Variants in EBF1 observed in about 807,000 individuals in gnomAD.
EBF1 encodes the protein transcription factor COE1.
A neutral mutation model predicts 68.4 loss-of-function variants in EBF1; 10 were observed. The ratio of observed to expected loss-of-function variants is 0.15; its 90% CI spans 0.09 to 0.25. EBF1 has a LOEUF of 0.25. Among genes scored for constraint, EBF1 ranks in the 10% least tolerant of loss-of-function variants. The pLI is 1.00. For missense variants in EBF1, 509 were observed against 794.4 expected, an observed-to-expected ratio of 0.64 and a Z score of 4.32; for synonymous variants, 298 against 299.8, an observed-to-expected ratio of 0.99 and a Z score of 0.06.
At chr5:158,780,726 T>A (rs1776295942) in intron 9 of EBF1, among the ~76,000 whole-genome samples, 1 of 152,004 alleles carries the variant, frequency 6.6e-6, no homozygotes, top group African/African-American at 2.4e-5. Context: ...CTTTATCCCT[T>A]TAATAAAAAT....
chr5:158,900,487 C>G (rs375553613), intron 6 of EBF1, among the ~76,000 whole-genome samples: 1 of 152,156 alleles, frequency 6.6e-6, no homozygotes, highest in African/African-American at 2.4e-5. Context: ...GATTTGGTAA[C>G]GACATGGGCA....
chr5:158,892,447 C>T (rs1169820969), intron 6 of EBF1, among the ~76,000 whole-genome samples: 1 of 152,092 alleles, frequency 6.6e-6, no homozygotes, highest in East Asian at 1.9e-4. Flanking sequence ...CAAGATTGTG[C>T]TACTGCATTC....
chr5:158,766,832 G>A (rs1324592938), intron 10 of EBF1, among the ~76,000 whole-genome samples: 1 of 152,140 alleles, frequency 6.6e-6, no homozygotes, highest in African/African-American at 2.4e-5. Context: ...TAAACCTATT[G>A]TGACTTGCTG....
chr5:158,769,210 A>C (rs1267616236), intron 10 of EBF1, among the ~76,000 whole-genome samples: 1 of 152,178 alleles, frequency 6.6e-6, no homozygotes, highest in African/African-American at 2.4e-5. Context: ...TATTACATGA[A>C]TGATGAATGG....
intron 7 of EBF1, among the ~76,000 whole-genome samples, chr5:158,838,704 G>A (rs1008593268): frequency 2.3e-4 from 35 of 152,252 alleles, no homozygotes; most frequent in African/African-American, 7.5e-4. Flanking sequence ...ATCAGAGAAT[G>A]AAGGTGCAGC....
chr5:159,013,010 T>C (rs747366236), intron 6 of EBF1, among the ~76,000 whole-genome samples: 24 of 152,192 alleles, frequency 1.6e-4, no homozygotes, highest in Non-Finnish European at 2.8e-4. Flanking sequence ...CACTTTGATC[T>C]CAGACCTCTG....
In EBF1 at chr5:158,698,429, A is replaced by G; in HGVS notation, c.*682T>C. 1 of 222,936 alleles carries G rather than the reference A, an allele frequency of 4.5e-6. No individual in the cohort carries two copies. Among genetic ancestry groups the G allele is most frequent in the Non-Finnish European group, 9.0e-6 (1 of 111,270 alleles). The allele number at this position is 222,936 out of a possible 1,614,324, so 13.8% of individuals were successfully genotyped here. A position where few individuals can be genotyped will look rare whatever the true frequency, so the allele number is the denominator to read the frequency against. On this transcript the variant is annotated 3_prime_UTR_variant, in exon 16 of 16. Transcript: ENST00000313708. ...AATGTGATCACTTACATCGCGTTTTAACTTTCCAGGCTGCATTTATTTACA... is the reference window on the plus strand; with the variant it reads ...AATGTGATCACTTACATCGCGTTTTGACTTTCCAGGCTGCATTTATTTACA...
At chr5:158,749,740 T>C (rs960205566) in intron 10 of EBF1, among the ~76,000 whole-genome samples, 4 of 152,258 alleles carry the variant, frequency 2.6e-5, no homozygotes, top group African/African-American at 4.8e-5. Flanking sequence ...GAGTTTCTTT[T>C]ACACGGCAGG....
chr5:158,700,877 G>A (rs753941008), intron 15 of EBF1, among the ~76,000 whole-genome samples: 2 of 152,018 alleles, frequency 1.3e-5, no homozygotes, highest in African/African-American at 4.8e-5. Context: ...TTTGCCAAAC[G>A]CAGACCAACT....
At chr5:159,020,088 G>C (rs1344476528) in intron 6 of EBF1, among the ~76,000 whole-genome samples, 1 of 152,024 alleles carries the variant, frequency 6.6e-6, no homozygotes, top group Admixed American at 6.5e-5. Flanking sequence ...CTTTTCAAAG[G>C]ACCCCTGTTG....
intron 6 of EBF1, among the ~76,000 whole-genome samples, chr5:158,965,474 T>TAG (rs1753923204): frequency 6.6e-6 from 1 of 152,144 alleles, no homozygotes; most frequent in Non-Finnish European, 1.5e-5. Flanking sequence ...TAACAGAGAG[T>TAG]AGAGACTGCT....
intron 6 of EBF1, among the ~76,000 whole-genome samples, chr5:158,939,171 C>T (rs1812717057): frequency 6.6e-6 from 1 of 152,176 alleles, no homozygotes; most frequent in South Asian, 2.1e-4. Flanking sequence ...TCACATGTAC[C>T]TCAGGGCTTA....
chr5:158,955,852 C>T (rs1036176855), intron 6 of EBF1, among the ~76,000 whole-genome samples: 1 of 152,126 alleles, frequency 6.6e-6, no homozygotes, highest in Non-Finnish European at 1.5e-5. Flanking sequence ...CAGGTTCAGC[C>T]AGCAGCTGAA....
chr5:158,833,091 C>T (rs564408023), intron 7 of EBF1, among the ~76,000 whole-genome samples: 13 of 152,118 alleles, frequency 8.5e-5, no homozygotes, highest in South Asian at 6.2e-4. Context: ...CACCTCAGAA[C>T]GCTTTCCTGG....
chr5:159,035,155 C>T (rs2127756841), intron 6 of EBF1, among the ~76,000 whole-genome samples: 1 of 151,930 alleles, frequency 6.6e-6, no homozygotes, highest in East Asian at 1.9e-4. Context: ...GAACGAGAAC[C>T]AAGGCAGCTG....
At chr5:158,956,654 T>C (rs1426709061) in intron 6 of EBF1, among the ~76,000 whole-genome samples, 1 of 151,808 alleles carries the variant, frequency 6.6e-6, no homozygotes, top group Admixed American at 6.6e-5. Context: ...TTGAAAATAT[T>C]GAAAATATTA....
chr5:158,949,646 C>T (rs1378310471), intron 6 of EBF1, among the ~76,000 whole-genome samples: 1 of 152,212 alleles, frequency 6.6e-6, no homozygotes, highest in African/African-American at 2.4e-5. Flanking sequence ...CTAGACATGG[C>T]TGGCCAATGT....
chr5:158,974,511 G>A (rs370870791), intron 6 of EBF1, among the ~76,000 whole-genome samples: 2 of 152,048 alleles, frequency 1.3e-5, no homozygotes, highest in African/African-American at 4.8e-5. Flanking sequence ...AACATACACG[G>A]CTTCGAGATG....
At chr5:159,038,510 G>T (rs1027755198) in intron 6 of EBF1, among the ~76,000 whole-genome samples, 2 of 152,166 alleles carry the variant, frequency 1.3e-5, no homozygotes, top group Non-Finnish European at 2.9e-5. Context: ...CATACAGGAG[G>T]AGAGTATGGG....
Sources: gnomAD v4.1 joint callset for allele counts (sites outside exome capture counted in the v4.1 genomes callset) on GRCh38, gnomAD v4.1.1 for gene constraint, MANE v1.5 for transcripts, NCBI Gene and HGNC (gene_info 2026-07-23, HGNC 2026-07-21) for gene names.